Variants in ATP5F1B observed in about 807,000 individuals in gnomAD.
ATP5F1B encodes ATP synthase F(1) complex subunit beta, mitochondrial.
A neutral mutation model predicts 45.9 loss-of-function variants in ATP5F1B; 17 were observed. The observed-to-expected ratio is 0.37, with a 90% CI of 0.25 to 0.56. ATP5F1B has a LOEUF of 0.56. Ranked by LOEUF, ATP5F1B falls within the 20% of genes least tolerant of loss-of-function variation. The pLI is 0.80. For synonymous variants in ATP5F1B, 218 were observed against 256.5 expected (o/e 0.85, Z 1.43); for missense variants, 387 against 673.2 (o/e 0.57, Z 4.70).
intron 6 of ATP5F1B, 34 bp downstream of exon 6, chr12:56,642,639 G>T: frequency 6.2e-7 from 1 of 1,614,028 alleles, no homozygotes; most frequent in Non-Finnish European, 8.5e-7. Flanking sequence ...AGAAAGGCCA[G>T]ATGAACCAGG....
rs763341556 is a variant in ATP5F1B, at chr12:56,644,828, A to G, written c.438T>C (p.Asn146=). 1.2e-6 allele frequency: 2 copies of G among 1,614,216 alleles called. No homozygotes were observed. Among genetic ancestry groups the G allele is most frequent in the Admixed American group, 3.3e-5 (2 of 60,016 alleles). ...VGPETLGRIM[N]VIGEPIDERG... is the part of the protein sequence containing the mutation. ...TTTCATCAATAGGTTCTCCAATGAC[A>G]TTCATGATTCTGCCCAAAGTCTCAG... is the stretch of plus-strand genomic sequence containing the variant. The change falls in exon 3 of 10, where the codon AAT becomes AAC. Residue 146 remains asparagine (N), a synonymous_variant. Transcript: ENST00000262030.
At chr12:56,640,231 A>AATT (rs1951501972) in intron 7 of ATP5F1B, 39 bp from the exon 8 acceptor site, 1 of 1,367,960 alleles carries the variant, frequency 7.3e-7, no homozygotes, top group East Asian at 2.6e-5. Flanking sequence ...ACCAAAGTAA[A>AATT]TTTTTTTTTT....
At chr12:56,643,714 C>A in intron 4 of ATP5F1B, 123 bp downstream of exon 4, 1 of 1,577,594 alleles carries the variant, frequency 6.3e-7, no homozygotes, top group Non-Finnish European at 8.7e-7. Context: ...TCAGCAAACT[C>A]AGAAGAACGA....
chr12:56,639,337 A>C, intron 8 of ATP5F1B, 30 bp from the exon 9 acceptor site: 1 of 1,581,452 alleles, frequency 6.3e-7, no homozygotes, highest in African/African-American at 1.3e-5. Context: ...TGAGTTAAGT[A>C]TTCTCATTCC....
Position 56,644,825 on chromosome 12 carries a change from G to T in ATP5F1B, c.441C>A (p.Val147=). ...CTCTTTCATCAATAGGTTCTCCAAT[G>T]ACATTCATGATTCTGCCCAAAGTCT... ...GPETLGRIMN[V]IGEPIDERGP... Residue 147 remains valine, a synonymous_variant, in exon 3 of 10, where the codon GTC becomes GTA. Transcript: ENST00000262030. The T allele has an allele frequency of 2.5e-6, 4 of 1,614,126 alleles. No homozygotes were observed. Among genetic ancestry groups the T allele is most frequent in the Non-Finnish European group, 3.4e-6 (4 of 1,179,994 alleles).
At position 56,642,847 on chromosome 12, in the gene ATP5F1B, A is replaced by G; in HGVS notation, c.793-16T>C. On this transcript the variant is annotated splice_polypyrimidine_tract_variant and intron_variant, in intron 5 of 9. Transcript: ENST00000262030. The stretch of plus-strand genomic sequence containing the variant: ...CCAGCGCTACCTGCAGTAATCATAC[A>G]TAATCGTAAAACCTGACAAAGGAGT... 1 of 1,613,866 alleles carries G rather than the reference A, an allele frequency of 6.2e-7. No homozygotes were observed. Among genetic ancestry groups the G allele is most frequent in the Non-Finnish European group, 8.5e-7 (1 of 1,179,846 alleles).
chr12:56,644,733 C>A, intron 3 of ATP5F1B, 48 bp downstream of exon 3: 1 of 1,558,460 alleles, frequency 6.4e-7, no homozygotes, highest in Non-Finnish European at 8.7e-7. Flanking sequence ...TGTAAAACTG[C>A]AAATAACAGA....
chr12:56,641,592 AGT>A (rs1435322246), intron 7 of ATP5F1B, among the ~76,000 whole-genome samples: 1 of 151,564 alleles, frequency 6.6e-6, no homozygotes, highest in African/African-American at 2.4e-5. Context: ...CCCAGGCTGG[AGT>A]GAGTGGCCCA....
chr12:56,644,801 T>G lies in ATP5F1B; in HGVS notation c.465A>C (p.Arg155Ser), dbSNP rs1951538171. 1.2e-6 allele frequency: 2 copies of G among 1,613,504 alleles called. No individual in the cohort carries two copies. The highest frequency in any genetic ancestry group is 1.7e-6 in the Non-Finnish European group (2 of 1,179,646). ...CTTACTGTTTGGTTTTGATGGGACC[T>G]CTTTCATCAATAGGTTCTCCAATGA... ...MNVIGEPIDE[R>S]GPIKTKQFAP... is the part of the protein sequence containing the mutation. Residue 155 changes from arginine (R) to serine (S), a missense_variant, in exon 3 of 10, where the codon AGA becomes AGC. Coordinates refer to ENST00000262030, the MANE Select transcript of ATP5F1B (RefSeq NM_001686.4).
intron 5 of ATP5F1B, 129 bp downstream of exon 5, chr12:56,643,274 C>G: frequency 1.1e-6 from 1 of 882,992 alleles, no homozygotes; most frequent in Non-Finnish European, 1.6e-6. Context: ...CCCTGGGACA[C>G]GAAAATGAAA....
intron 7 of ATP5F1B, among the ~76,000 whole-genome samples, chr12:56,640,870 T>TG (rs1276355300): frequency 2.7e-4 from 27 of 99,532 alleles, no homozygotes; most frequent in Non-Finnish European, 5.1e-4. Flanking sequence ...GGGTCTCTAC[T>TG]AAAAAAAAAA....
chr12:56,639,827 C>T, intron 8 of ATP5F1B, 153 bp downstream of exon 8: 1 of 674,084 alleles, frequency 1.5e-6, no homozygotes, highest in Non-Finnish European at 2.5e-6. Flanking sequence ...TACCTGGAAA[C>T]TCAAGAGACC....
At chr12:56,641,836 C>A (rs925733977) in intron 7 of ATP5F1B, among the ~76,000 whole-genome samples, 4 of 152,022 alleles carry the variant, frequency 2.6e-5, no homozygotes, top group Non-Finnish European at 5.9e-5. Flanking sequence ...CAGGCGTGAG[C>A]CACCGTGCCC....
intron 1 of ATP5F1B, 92 bp downstream of exon 1, chr12:56,645,745 A>G: frequency 6.4e-7 from 1 of 1,552,496 alleles, no homozygotes; most frequent in Non-Finnish European, 8.7e-7. Context: ...TTTTAACACC[A>G]CGGATCCCTT....
intron 3 of ATP5F1B, among the ~76,000 whole-genome samples, chr12:56,644,184 C>T (rs1951533513): frequency 6.6e-6 from 1 of 152,140 alleles, no homozygotes; most frequent in South Asian, 2.1e-4. Flanking sequence ...CATTCCCTGA[C>T]TTTAACTGTC....
chr12:56,640,481 G>T (rs1056820832), intron 7 of ATP5F1B, among the ~76,000 whole-genome samples: 1 of 152,046 alleles, frequency 6.6e-6, no homozygotes. Context: ...ACCCGCCTTG[G>T]CCTCCCAAAG....
chr12:56,643,609 G>A, intron 4 of ATP5F1B, 22 bp from the exon 5 acceptor site: 2 of 1,612,860 alleles, frequency 1.2e-6, no homozygotes, highest in Non-Finnish European at 8.5e-7. Flanking sequence ...TGAAAAGAAA[G>A]AATATTTAAG....
chr12:56,645,460 T>C, intron 1 of ATP5F1B, 107 bp from the exon 2 acceptor site: 1 of 1,279,760 alleles, frequency 7.8e-7, no homozygotes, highest in Non-Finnish European at 1.1e-6. Flanking sequence ...AAGTCAGGCC[T>C]CTTTCCGCTT....
At chr12:56,638,694 G>C (rs939407604) in intron 9 of ATP5F1B, among the ~76,000 whole-genome samples, 4 of 152,180 alleles carry the variant, frequency 2.6e-5, no homozygotes, top group Admixed American at 2.0e-4. Flanking sequence ...TCAGGAGTTC[G>C]AGACAAGCCC....
Sources: gnomAD v4.1 joint callset for allele counts (sites outside exome capture counted in the v4.1 genomes callset) on GRCh38, gnomAD v4.1.1 for gene constraint, MANE v1.5 for transcripts, NCBI Gene and HGNC (gene_info 2026-07-23, HGNC 2026-07-21) for gene names.